The following DNAH17 variants were observed in gnomAD, a reference collection of about 807,000 sequenced individuals.
The protein encoded by DNAH17 is dynein axonemal heavy chain 17, also known as axonemal beta dynein heavy chain 17.
DNAH17 carries 376 observed loss-of-function variants against 485.6 expected under a neutral mutation model. That is an observed-to-expected ratio of 0.77 (90% confidence interval 0.71 to 0.84). DNAH17 has a LOEUF of 0.84. Ranked by LOEUF, DNAH17 falls within the 40% of genes least tolerant of loss-of-function variation. The pLI, the probability that DNAH17 is intolerant of heterozygous loss-of-function variation, is 0.00. For missense variants in DNAH17, 6,370 were observed against 5,839.3 expected (o/e 1.09, Z -2.96); for synonymous variants, 3,031 against 2,405.9 (o/e 1.26, Z -7.60).
At chr17:78,446,224 G>C (rs944760801) in intron 69 of DNAH17, among the ~76,000 whole-genome samples, 1 of 137,044 alleles carries the variant, frequency 7.3e-6, no homozygotes, top group Non-Finnish European at 1.5e-5. Context: ...ATATTTTAGT[G>C]TGCAATTCAG....
intron 16 of DNAH17, among the ~76,000 whole-genome samples, chr17:78,547,623 T>C (rs2091798880): frequency 1.3e-5 from 2 of 150,050 alleles, no homozygotes; most frequent in East Asian, 3.9e-4. Context: ...TACTATTTTT[T>C]TTTTTTTTTT....
chr17:78,491,497 T>TC lies in DNAH17; in HGVS notation c.6614dup (p.Asp2206ArgfsTer16). The TC allele has an allele frequency of 6.2e-7, 1 of 1,613,736 alleles. No individual in the cohort carries two copies. The highest frequency in any genetic ancestry group is 8.5e-7 in the Non-Finnish European group (1 of 1,179,888). ...ACTCGATCCACATGGGGTCTATGTCTCCGTCAAGGATGATCCACTTGGGGC... is the reference window on the plus strand; with the variant it reads ...ACTCGATCCACATGGGGTCTATGTCTCCCGTCAAGGATGATCCACTTGGGGC... On this transcript the variant is annotated frameshift_variant, in exon 43 of 81. Transcript: ENST00000389840. LOFTEE classifies it high-confidence loss of function.
chr17:78,513,196 C>G (rs34393838), intron 26 of DNAH17, among the ~76,000 whole-genome samples: 13,193 of 152,124 alleles, frequency 0.087, 726 homozygotes, highest in East Asian at 0.2. Context: ...ATTATACCCC[C>G]CTCCCTTTGG....
chr17:78,425,500 C>T lies in DNAH17; in HGVS notation c.12987G>A (p.Gln4329=). The T allele has an allele frequency of 6.2e-7, 1 of 1,613,850 alleles. No individual in the cohort carries two copies. The highest frequency in any genetic ancestry group is 8.5e-7 in the Non-Finnish European group (1 of 1,179,912). The part of the protein sequence containing the change: ...TVWLAGFFNP[Q]SFLTAIMQSM... ...ACTGCATGATGGCCGTGAGGAACGA[C>T]TGGGGGTTGAAGAAGCCGGCCAGCC... The change falls in exon 80 of 81, where the codon CAG becomes CAA. Residue 4329 remains glutamine (Q), a synonymous_variant. Transcript: ENST00000389840.
intron 16 of DNAH17, among the ~76,000 whole-genome samples, 178 bp from the exon 17 acceptor site, chr17:78,544,175 G>A (rs1305289303): frequency 1.3e-5 from 2 of 152,218 alleles, no homozygotes. Flanking sequence ...CTAATTGACT[G>A]TTGACCAGAG....
chr17:78,519,100 G>A (rs568678108), intron 25 of DNAH17, among the ~76,000 whole-genome samples: 1 of 148,580 alleles, frequency 6.7e-6, no homozygotes, highest in African/African-American at 2.5e-5. Context: ...CCCAGGAGGT[G>A]GAGCTTACAG....
At position 78,444,783 on chromosome 17, in the gene DNAH17, C is replaced by T. The variant is rs1157542691; in HGVS notation, c.11349G>A (p.Met3783Ile). 1.3e-6 allele frequency: 2 copies of T among 1,575,314 alleles called. No individual in the cohort carries two copies. ...CACTGTCCAGATTTTTGAACTCATCCATCTCCGAGAGGGCCTAGGGGCAGA... is the reference window on the plus strand; with the variant it reads ...CACTGTCCAGATTTTTGAACTCATCTATCTCCGAGAGGGCCTAGGGGCAGA... The part of the protein sequence containing the change: ...GWGGIKALSE[M>I]DEFKNLDSDI... Residue 3783 changes from methionine (M) to isoleucine (I), a missense_variant, in exon 71 of 81, where the codon ATG becomes ATA. Transcript: ENST00000389840.
intron 52 of DNAH17, 85 bp downstream of exon 52, chr17:78,476,487 G>C: frequency 5.5e-6 from 8 of 1,452,496 alleles, no homozygotes; most frequent in Non-Finnish European, 7.4e-6. Context: ...CCTTCTGAGA[G>C]GGCTGCAGTT....
rs569554977 is a variant in DNAH17, at chr17:78,444,841, CG to C, written c.11335-45del. 6.4e-5 allele frequency: 98 copies of C among 1,524,112 alleles called. No individual in the cohort carries two copies. The East Asian group carries it at 1.4e-3, about 22-fold the overall frequency. 94.4% of individuals were successfully genotyped at this position (1,524,112 alleles called of 1,614,324 possible). ...GGCCCTGTGACTCTTCCCACTTACC[CG>C]GGTCCCGAGAGCCTTCCTGTACAGT... On this transcript the variant is annotated intron_variant, in intron 70 of 80. Coordinates refer to ENST00000389840, the MANE Select transcript of DNAH17 (RefSeq NM_173628.4).
intron 41 of DNAH17, among the ~76,000 whole-genome samples, chr17:78,493,502 A>C (rs926354903): frequency 6.6e-6 from 1 of 152,234 alleles, no homozygotes; most frequent in Admixed American, 6.5e-5. Context: ...CCTTTTTAGG[A>C]AACTGGGTCC....
intron 65 of DNAH17, among the ~76,000 whole-genome samples, chr17:78,452,230 A>C (rs1413219635): frequency 6.6e-6 from 1 of 152,014 alleles, no homozygotes; most frequent in Admixed American, 6.6e-5. Flanking sequence ...TTCTGCATGC[A>C]TCTCTGCATT....
intron 7 of DNAH17, 118 bp downstream of exon 7, chr17:78,570,129 T>C: frequency 8.2e-7 from 1 of 1,214,172 alleles, no homozygotes; most frequent in Non-Finnish European, 1.1e-6. Flanking sequence ...AGGCTTGTGC[T>C]GACATCTTGG....
At chr17:78,431,747 C>T (rs565160627) in intron 75 of DNAH17, among the ~76,000 whole-genome samples, 8 of 152,164 alleles carry the variant, frequency 5.3e-5, no homozygotes, top group Admixed American at 2.0e-4. Context: ...GGTTGGCCAG[C>T]GCAGGCCACA....
At chr17:78,539,695 AATACAT>A (rs1568218770) in intron 18 of DNAH17, 36 bp downstream of exon 18, 1 of 1,489,288 alleles carries the variant, frequency 6.7e-7, no homozygotes, top group Admixed American at 2.2e-5. Context: ...AACAGATAAG[AATACAT>A]ATACATAAAT....
intron 79 of DNAH17, 115 bp from the exon 80 acceptor site, chr17:78,425,686 A>T: frequency 1.1e-6 from 1 of 906,328 alleles, no homozygotes; most frequent in South Asian, 1.7e-5. Flanking sequence ...CCACTCAGCG[A>T]GCTAGAAGTG....
At chr17:78,542,120 C>A (rs1285899671) in intron 17 of DNAH17, among the ~76,000 whole-genome samples, 1 of 150,020 alleles carries the variant, frequency 6.7e-6, no homozygotes, top group Non-Finnish European at 1.5e-5. Context: ...GGAAACCGCC[C>A]CCCCCAAAAA....
chr17:78,442,600 G>A (rs2087116311), intron 71 of DNAH17, among the ~76,000 whole-genome samples: 1 of 152,252 alleles, frequency 6.6e-6, no homozygotes, highest in South Asian at 2.1e-4. Flanking sequence ...GTCATCGGCT[G>A]TGGATGAATT....
chr17:78,502,699 C>A lies in DNAH17; in HGVS notation c.5083-1G>T. 6.2e-7 allele frequency: 1 copy of A among 1,611,242 alleles called. No individual in the cohort carries two copies. On this transcript the variant is annotated splice_acceptor_variant, in intron 32 of 80. Transcript: ENST00000389840. LOFTEE classifies it high-confidence loss of function. ...AGATCTGGGTGCAAGTCAGGGCCAC[C>A]TGAAAGTACATACCCCCCATTGCCC...
intron 1 of DNAH17, 83 bp from the exon 2 acceptor site, chr17:78,575,165 CTG>C: frequency 7.6e-6 from 7 of 917,710 alleles, no homozygotes; most frequent in East Asian, 2.7e-5. Flanking sequence ...CAGGAAATCT[CTG>C]TTTCTACCGG....
Sources: allele counts gnomAD v4.1 joint callset (sites outside exome capture counted in the v4.1 genomes callset), GRCh38; gene constraint gnomAD v4.1.1; transcripts MANE v1.5; gene names NCBI Gene and HGNC (gene_info 2026-07-23, HGNC 2026-07-21).